The following BDNF variants were observed in gnomAD, a reference collection of about 807,000 sequenced individuals.
BDNF encodes brain derived neurotrophic factor.
Under a neutral mutation model 19.5 loss-of-function variants are expected in BDNF, and 1 was observed. The ratio of observed to expected loss-of-function variants is 0.05; its 90% CI spans 0.02 to 0.24. BDNF has a LOEUF of 0.24. BDNF is among the 10% of genes least tolerant of loss of function. The pLI, the probability that BDNF is intolerant of heterozygous loss-of-function variation, is 1.00. For missense variants in BDNF, 195 were observed against 317.6 expected (o/e 0.61, Z 2.93); for synonymous variants, 100 against 121.6 (o/e 0.82, Z 1.17).
rs1860214803 is a variant in BDNF, at chr11:27,708,859, C to T, written c.3+12553G>A. Among the ~76,000 whole-genome samples the T allele has an allele frequency of 5.9e-5, 7 of 118,302 alleles. No individual in the cohort carries two copies. In the South Asian group the frequency reaches 1.4e-3, roughly 23 times the overall value. 77.6% of individuals were successfully genotyped at this position (118,302 alleles called of 152,430 possible). A position where few individuals can be genotyped will look rare whatever the true frequency, so the allele number is the denominator to read the frequency against. On this transcript the variant is annotated intron_variant, in intron 1 of 1. Coordinates refer to the BDNF transcript ENST00000314915. ...TTTTTTTTTTTTTGATACAGAGTCT[C>T]ACTCTGTCACCCAGACTGGAGTGCA...
intron 1 of BDNF, among the ~76,000 whole-genome samples, chr11:27,716,754 G>A (rs1222594998): frequency 6.6e-6 from 1 of 152,120 alleles, no homozygotes; most frequent in East Asian, 1.9e-4. Flanking sequence ...AAACCAAAGA[G>A]TAGCTTTACT....
chr11:27,719,550 G>C, intron 1 of BDNF: 1 of 985,268 alleles, frequency 1.0e-6, no homozygotes, highest in Non-Finnish European at 1.2e-6. Flanking sequence ...GGGGAGCGGA[G>C]CGCGGTCTCG....
At position 27,656,956 on chromosome 11, in the gene BDNF, G is replaced by A. The variant is rs540864354; in HGVS notation, c.*865C>T. The A allele has an allele frequency of 3.0e-6, 3 of 985,270 alleles. No homozygotes were observed. Among genetic ancestry groups the A allele is most frequent in the Non-Finnish European group, 3.6e-6 (3 of 829,960 alleles). 61.0% of individuals were successfully genotyped at this position (985,270 alleles called of 1,614,324 possible). A position where few individuals can be genotyped will look rare whatever the true frequency, so the allele number is the denominator to read the frequency against. ...CAAAACAAAGAGGAGACCAGAGGGG[G>A]AGGGGGGGAAAGAATGTGTTCTGAG... On this transcript the variant is annotated 3_prime_UTR_variant, in exon 2 of 2. Coordinates refer to ENST00000356660, the MANE Select transcript of BDNF (RefSeq NM_001709.5).
Position 27,658,403 on chromosome 11 carries a change from T to G in BDNF, c.162A>C (p.Arg54Ser). The change falls in exon 2 of 2, where the codon AGA becomes AGC. Residue 54 changes from arginine to serine, a missense_variant. Arg to Ser is a moderately radical substitution (Grantham distance 110). Transcript: ENST00000356660. The surrounding 1 kb of genome is among the most constrained non-coding windows in gnomAD (Gnocchi z 5.7). ...ESVNGPKAGS[R>S]GLTSLADTFE... ...AAGTGTCAGCCAATGATGTCAAGCC[T>G]CTTGAACCTGCCTTGGGCCCATTCA... 2.5e-6 allele frequency: 4 copies of G among 1,614,186 alleles called. No homozygotes were observed. In the South Asian group the frequency reaches 4.4e-5, roughly 18 times the overall value.
At chr11:27,699,769 C>T (rs1451438299) in intron 1 of BDNF, 1 of 1,204,300 alleles carries the variant, frequency 8.3e-7, no homozygotes, top group Non-Finnish European at 1.1e-6. Flanking sequence ...GATTCCTAGC[C>T]TAGCCCCAGC....
intron 1 of BDNF, chr11:27,719,685 C>A (rs1860672615): frequency 9.2e-6 from 9 of 973,108 alleles, no homozygotes; most frequent in South Asian, 4.8e-5. Context: ...GGAGCGAGGG[C>A]GACGGAGAGG....
At chr11:27,673,580 C>G (rs1246251359) in intron 1 of BDNF, among the ~76,000 whole-genome samples, 1 of 152,178 alleles carries the variant, frequency 6.6e-6, no homozygotes, top group Non-Finnish European at 1.5e-5. Context: ...CAACACCCCA[C>G]TAGACACCAG....
In BDNF at chr11:27,656,906, C is replaced by T. The variant is rs557953714; in HGVS notation, c.*915G>A. The T allele has an allele frequency of 7.4e-5, 73 of 985,074 alleles. No individual in the cohort carries two copies. Among genetic ancestry groups the T allele is most frequent in the East Asian group, 1.1e-4 (1 of 8,802 alleles). The allele number at this position is 985,074 out of a possible 1,614,324, so 61.0% of individuals were successfully genotyped here. On this transcript the variant is annotated 3_prime_UTR_variant, in exon 2 of 2. Coordinates refer to ENST00000356660, the MANE Select transcript of BDNF (RefSeq NM_001709.5). Reference sequence around the variant, plus strand: ...AGCAGTGGTAAAATATTTCAGAACGCGCAACTGATTTTTCTTCCTTAAAAC... The same window carrying T: ...AGCAGTGGTAAAATATTTCAGAACGTGCAACTGATTTTTCTTCCTTAAAAC...
intron 1 of BDNF, among the ~76,000 whole-genome samples, chr11:27,663,330 C>A (rs1047101608): frequency 6.6e-6 from 1 of 152,228 alleles, no homozygotes; most frequent in African/African-American, 2.4e-5. Flanking sequence ...TCAACCACAT[C>A]TATAAAATGC....
chr11:27,660,656 T>C (rs1179103899), intron 1 of BDNF, among the ~76,000 whole-genome samples: 3 of 152,118 alleles, frequency 2.0e-5, no homozygotes, highest in African/African-American at 7.2e-5. Flanking sequence ...TGATCAGCTA[T>C]TTTTTAATAC....
chr11:27,677,101 T>TG (rs1856232424), intron 1 of BDNF: 1 of 152,216 alleles, frequency 6.6e-6, no homozygotes, highest in South Asian at 2.1e-4. Flanking sequence ...CACCAGCTCT[T>TG]GCAACTGTGC....
At chr11:27,660,587 A>C (rs1590229517) in intron 1 of BDNF, among the ~76,000 whole-genome samples, 2 of 152,186 alleles carry the variant, frequency 1.3e-5, no homozygotes, top group East Asian at 3.9e-4. Flanking sequence ...TTAGGTCAAT[A>C]AAAGTTTGCA....
At chr11:27,713,822 G>T (rs1564996894) in intron 1 of BDNF, among the ~76,000 whole-genome samples, 7 of 152,208 alleles carry the variant, frequency 4.6e-5, no homozygotes. Context: ...GAAATGCCCA[G>T]AGTGGATCAA....
intron 1 of BDNF, chr11:27,699,233 A>G: frequency 8.7e-7 from 1 of 1,147,322 alleles, no homozygotes; most frequent in Non-Finnish European, 1.3e-6. Context: ...TACCCCCAAC[A>G]CACAAACACT....
At chr11:27,671,212 C>T (rs1053954223) in intron 1 of BDNF, among the ~76,000 whole-genome samples, 4 of 151,690 alleles carry the variant, frequency 2.6e-5, no homozygotes, top group Admixed American at 2.6e-4. Context: ...ATGTAAATGA[C>T]GAGTTAATGG....
At chr11:27,664,490 T>C (rs2133835506) in intron 1 of BDNF, among the ~76,000 whole-genome samples, 1 of 152,178 alleles carries the variant, frequency 6.6e-6, no homozygotes, top group East Asian at 1.9e-4. Context: ...TCAAGAAGGT[T>C]GCAAAGGGCC....
Position 27,658,618 on chromosome 11 carries a change from C to G in BDNF, c.-21-33G>C. On this transcript the variant is annotated intron_variant, in intron 1 of 1. Transcript: ENST00000356660. The surrounding 1 kb of genome is among the most constrained non-coding windows in gnomAD (Gnocchi z 5.7). ...GAGAAAGCAGAAACAAGACAGAAAA[C>G]TGGTTAGGGCTTTCTTTCACCGGGA... The G allele has an allele frequency of 1.2e-6, 2 of 1,614,170 alleles. No homozygotes were observed. The highest frequency in any genetic ancestry group is 1.7e-6 in the Non-Finnish European group (2 of 1,180,034).
chr11:27,720,074 A>C (rs1324978363), intron 1 of BDNF, among the ~76,000 whole-genome samples: 1 of 152,218 alleles, frequency 6.6e-6, no homozygotes, highest in African/African-American at 2.4e-5. Flanking sequence ...GAGGAGAAAA[A>C]GAGAGATAAA....
At chr11:27,685,131 G>A (rs1344217601) in intron 1 of BDNF, among the ~76,000 whole-genome samples, 1 of 152,154 alleles carries the variant, frequency 6.6e-6, no homozygotes, top group African/African-American at 2.4e-5. Context: ...TTAGGAGGGT[G>A]TATGTGTCCA....
Sources: allele counts gnomAD v4.1 joint callset (sites outside exome capture counted in the v4.1 genomes callset), GRCh38; gene constraint gnomAD v4.1.1; non-coding constraint Gnocchi (gnomAD v3.1); transcripts MANE v1.5; gene names NCBI Gene and HGNC (gene_info 2026-07-23, HGNC 2026-07-21).